KCNQ1: variants seen among roughly 807,000 people sequenced by gnomAD.
KCNQ1 encodes potassium voltage-gated channel subfamily Q member 1, also known as potassium voltage-gated channel subfamily KQT member 1.
A neutral mutation model predicts 72.4 loss-of-function variants in KCNQ1; 49 were observed. That is an observed-to-expected ratio of 0.68 (90% CI 0.54 to 0.86). The LOEUF (loss-of-function observed/expected upper bound fraction) is 0.86. Ranked by LOEUF, KCNQ1 falls within the 40% of genes least tolerant of loss-of-function variation. KCNQ1 has a pLI of 0.00. For synonymous variants in KCNQ1, 450 were observed against 412.6 expected, an observed-to-expected ratio of 1.09 and a Z score of -1.10; for missense variants, 790 against 945.1, an observed-to-expected ratio of 0.84 and a Z score of 2.15.
At chr11:2,832,285 G>A (rs1490106946) in intron 15 of KCNQ1, among the ~76,000 whole-genome samples, 4 of 152,214 alleles carry the variant, frequency 2.6e-5, no homozygotes, top group Non-Finnish European at 5.9e-5. Flanking sequence ...AGGTACCAGA[G>A]GGCTGAACTA....
chr11:2,683,552 C>G lies in KCNQ1; in HGVS notation c.1514+21471C>G, dbSNP rs974455760. 4 of 398,486 alleles carry G rather than the reference C, an allele frequency of 1.0e-5. No homozygotes were observed. The highest frequency in any genetic ancestry group is 8.2e-5 in the African/African-American group (4 of 48,608). The allele number at this position is 398,486 out of a possible 1,614,324, so 24.7% of individuals were successfully genotyped here. On this transcript the variant is annotated intron_variant, in intron 11 of 15. Coordinates refer to ENST00000155840, the MANE Select transcript of KCNQ1 (RefSeq NM_000218.3). The surrounding 1 kb of genome is among the most constrained non-coding windows in gnomAD (Gnocchi z 4.7). ...CATTTCTAAAAAAGAGGTAGAAGCC[C>G]CTACCTACTGACTGGCATCACAAAC...
chr11:2,847,633 C>T (rs552311845), intron 15 of KCNQ1, 134 bp from the exon 16 acceptor site: 25 of 798,318 alleles, frequency 3.1e-5, no homozygotes, highest in South Asian at 6.3e-5. Context: ...ACGTGCGTGC[C>T]GCCTGCATAC....
rs1249480322 is a variant in KCNQ1 at position 2,541,958 on chromosome 11, C to A, written c.477+13940C>A. Among the ~76,000 whole-genome samples, 1 of 152,218 alleles carries A rather than the reference C, an allele frequency of 6.6e-6. No individual in the cohort carries two copies. Among genetic ancestry groups the A allele is most frequent in the Non-Finnish European group, 1.5e-5 (1 of 68,042 alleles). On this transcript the variant is annotated intron_variant, in intron 2 of 15. Coordinates refer to ENST00000155840, the MANE Select transcript of KCNQ1 (RefSeq NM_000218.3). The surrounding 1 kb of genome is among the most constrained non-coding windows in gnomAD (Gnocchi z 4.8). ...CCTCCTGTGAAAGGCCGGCGCAGAG[C>A]TGCACCGTGGGGTCCCCTGGCTTGG...
chr11:2,690,534 G>C lies in KCNQ1; in HGVS notation c.1514+28453G>C, dbSNP rs1040194026. 2.5e-6 allele frequency: 1 copy of C among 398,590 alleles called. No homozygotes were observed. Among genetic ancestry groups the C allele is most frequent in the African/African-American group, 2.1e-5 (1 of 48,638 alleles). 24.7% of individuals were successfully genotyped at this position (398,590 alleles called of 1,614,324 possible). On this transcript the variant is annotated intron_variant, in intron 11 of 15. Coordinates refer to ENST00000155840, the MANE Select transcript of KCNQ1 (RefSeq NM_000218.3). The surrounding 1 kb of genome is among the most constrained non-coding windows in gnomAD (Gnocchi z 5.1). ...CCTATCACAAAGAAAGTGCCACTGG[G>C]CCTAGGGAAGGACAAGAAGTAACAT...
chr11:2,445,892 C>T (rs1846029876), intron 1 of KCNQ1, among the ~76,000 whole-genome samples: 1 of 152,120 alleles, frequency 6.6e-6, no homozygotes, highest in Non-Finnish European at 1.5e-5. Context: ...GAGAGAAGGC[C>T]CCTGATGTCC....
intron 11 of KCNQ1, among the ~76,000 whole-genome samples, chr11:2,739,926 G>C (rs1209972703): frequency 6.6e-6 from 1 of 152,254 alleles, no homozygotes. Flanking sequence ...CCAGTCACTG[G>C]GGCTGAGGCC....
intron 2 of KCNQ1, among the ~76,000 whole-genome samples, chr11:2,531,326 G>A (rs889894846): frequency 2.6e-5 from 4 of 152,098 alleles, no homozygotes; most frequent in South Asian, 2.1e-4. Context: ...TCATGTGCCC[G>A]TCTGCAGCCC....
rs374614321 is a variant in KCNQ1, at chr11:2,554,342, A to G, written c.478-16286A>G. ...AGATACAGGGCTATGCAGGTTGTCT[A>G]TTTCTTCTTGATGAGGTTTTGATTG... On this transcript the variant is annotated intron_variant, in intron 2 of 15. Transcript: ENST00000155840. Among the ~76,000 whole-genome samples, 17 of 152,274 alleles carry G rather than the reference A, an allele frequency of 1.1e-4. 1 individual carries two copies. The East Asian group carries it at 2.3e-3, about 21-fold the overall frequency.
intron 1 of KCNQ1, among the ~76,000 whole-genome samples, chr11:2,470,913 TAAACCAAGGGCACAG>T (rs1182124449): frequency 2.0e-5 from 3 of 152,178 alleles, no homozygotes; most frequent in Non-Finnish European, 4.4e-5. Flanking sequence ...AATCTTTCCC[TAAACCAAGGGCACAG>T]ATTTTCTGTT....
intron 1 of KCNQ1, among the ~76,000 whole-genome samples, chr11:2,527,717 T>C (rs1361486614): frequency 6.6e-6 from 1 of 152,242 alleles, no homozygotes; most frequent in African/African-American, 2.4e-5. Flanking sequence ...CAGCATGTGT[T>C]GGTGCTTCGT....
At chr11:2,842,365 C>T (rs1487975120) in intron 15 of KCNQ1, among the ~76,000 whole-genome samples, 1 of 152,212 alleles carries the variant, frequency 6.6e-6, no homozygotes, top group Non-Finnish European at 1.5e-5. Flanking sequence ...GGAGAGGACG[C>T]CTGGTACCTG....
chr11:2,677,709 A>G lies in KCNQ1; in HGVS notation c.1514+15628A>G, dbSNP rs907488682. 11 of 398,610 alleles carry G rather than the reference A, an allele frequency of 2.8e-5. No individual in the cohort carries two copies. In the East Asian group the frequency reaches 2.9e-4, roughly 10 times the overall value. The allele number at this position is 398,610 out of a possible 1,614,324, so 24.7% of individuals were successfully genotyped here. On this transcript the variant is annotated intron_variant, in intron 11 of 15. Transcript: ENST00000155840. This position sits in a 1 kb window ranked among gnomAD's most constrained non-coding sequence, Gnocchi z 4.5. The stretch of plus-strand genomic sequence containing the variant: ...TGTTATTTTTCAAATTAACTTCCCA[A>G]TCAAATATCTCTATTGTAAAATTTT...
rs1408446182 is a variant in KCNQ1, at chr11:2,830,907, G to A, written c.1795-16860G>A. 6.6e-6 allele frequency among the ~76,000 whole-genome samples: 1 copy of A among 152,176 alleles called. No homozygotes were observed. On this transcript the variant is annotated intron_variant, in intron 15 of 15. Coordinates refer to ENST00000155840, the MANE Select transcript of KCNQ1 (RefSeq NM_000218.3). This position sits in a 1 kb window ranked among gnomAD's most constrained non-coding sequence, Gnocchi z 7.7. ...AATGCAGGGTTAGGAGCTGACCAGG[G>A]AGTCTTTGAAACCGCAAGGGTACCC...
At chr11:2,761,795 C>T (rs1157915389) in intron 11 of KCNQ1, among the ~76,000 whole-genome samples, 5 of 152,354 alleles carry the variant, frequency 3.3e-5, no homozygotes, top group Admixed American at 2.0e-4. Flanking sequence ...GAGCTGGGGG[C>T]CTGGGCTGGC....
rs907226702 is a variant in KCNQ1, at chr11:2,566,761, G to T, written c.478-3867G>T. On this transcript the variant is annotated intron_variant, in intron 2 of 15. Coordinates refer to ENST00000155840, the MANE Select transcript of KCNQ1 (RefSeq NM_000218.3). This position sits in a 1 kb window ranked among gnomAD's most constrained non-coding sequence, Gnocchi z 6.7. ...CCCGGGCCATTGCATCCTTGACCCC[G>T]GGGGGCTTGCAGGCACCACATAGAT... Among the ~76,000 whole-genome samples, 2 of 152,260 alleles carry T rather than the reference G, an allele frequency of 1.3e-5. No individual in the cohort carries two copies. The highest frequency in any genetic ancestry group is 1.3e-4 in the Admixed American group (2 of 15,300).
chr11:2,585,319 G>T lies in KCNQ1; in HGVS notation c.1128+12G>T, dbSNP rs766061955. 1.2e-6 allele frequency: 2 copies of T among 1,609,148 alleles called. No homozygotes were observed. The highest frequency in any genetic ancestry group is 1.7e-6 in the Non-Finnish European group (2 of 1,175,812). On this transcript the variant is annotated intron_variant, in intron 8 of 15. Transcript: ENST00000155840. ...CCTCACTCATTCAGGTGCGGTGCCT[G>T]CAAGGCCCTGGTCACTGTCATTTTG... is the stretch of plus-strand genomic sequence containing the variant.
intron 6 of KCNQ1, among the ~76,000 whole-genome samples, chr11:2,582,875 A>G (rs778509602): frequency 3.9e-5 from 6 of 152,066 alleles, no homozygotes; most frequent in Non-Finnish European, 7.4e-5. Flanking sequence ...GGAGCCTTCT[A>G]TTGTCCCACC....
intron 2 of KCNQ1, among the ~76,000 whole-genome samples, chr11:2,570,115 C>G (rs1055451720): frequency 6.6e-6 from 1 of 152,204 alleles, no homozygotes; most frequent in Admixed American, 6.5e-5. Flanking sequence ...GTGGGACCCC[C>G]TCTGACCCAG....
At chr11:2,667,505 G>A (rs1850100021) in intron 11 of KCNQ1, 1 of 398,182 alleles carries the variant, frequency 2.5e-6, no homozygotes, top group Non-Finnish European at 4.4e-6. Flanking sequence ...CGCCACAGAG[G>A]TGGCTGGAGG....
Sources: gnomAD v4.1 joint callset for allele counts (sites outside exome capture counted in the v4.1 genomes callset) on GRCh38, gnomAD v4.1.1 for gene constraint, Gnocchi (gnomAD v3.1) non-coding constraint, MANE v1.5 for transcripts, NCBI Gene and HGNC (gene_info 2026-07-23, HGNC 2026-07-21) for gene names.